Variants in LINGO2 observed in about 807,000 individuals in gnomAD.
LINGO2 encodes the protein leucine rich repeat and Ig domain containing 2.
A neutral mutation model predicts 30.6 loss-of-function variants in LINGO2; 14 were observed. That is an observed-to-expected ratio of 0.46 (90% CI 0.30 to 0.72). LINGO2 has a LOEUF of 0.72. Ranked by LOEUF, LINGO2 falls within the 30% of genes least tolerant of loss-of-function variation. The probability of loss-of-function intolerance (pLI) is 0.07; values close to 1 mark genes in which losing one functional copy is unlikely to be tolerated. For synonymous variants in LINGO2, 317 were observed against 288.5 expected (o/e 1.10, Z -1.00); for missense variants, 729 against 751.7 (o/e 0.97, Z 0.35).
At chr9:28,352,101 T>A (rs1166377259) in intron 3 of LINGO2, among the ~76,000 whole-genome samples, 2 of 149,984 alleles carry the variant, frequency 1.3e-5, no homozygotes, top group African/African-American at 2.4e-5. Context: ...AAGACAGGGA[T>A]GCCCTCTCTC....
chr9:28,734,180 G>A, the LINGO2 span, among the ~76,000 whole-genome samples: 1 of 151,824 alleles, frequency 6.6e-6, no homozygotes, highest in Non-Finnish European at 1.5e-5. Context: ...ATAAAATCAG[G>A]GTTATGTGAA....
At chr9:28,880,010 T>A in the LINGO2 span, among the ~76,000 whole-genome samples, 62,152 of 152,042 alleles carry the variant, frequency 0.41, 14,770 homozygotes, top group African/African-American at 0.67. Context: ...TATCTCTAAG[T>A]TTCCTGCCAG....
At chr9:28,749,823 G>C in the LINGO2 span, among the ~76,000 whole-genome samples, 7 of 151,912 alleles carry the variant, frequency 4.6e-5, no homozygotes, top group Non-Finnish European at 1.0e-4. Flanking sequence ...ATAAAATAAA[G>C]CTCACAACCA....
chr9:28,261,933 C>T (rs749528588), intron 4 of LINGO2, among the ~76,000 whole-genome samples: 21 of 151,870 alleles, frequency 1.4e-4, no homozygotes, highest in Non-Finnish European at 2.8e-4. Flanking sequence ...TGACTAAGGA[C>T]AAGGCACGTA....
At chr9:28,096,053 A>G (rs1419101264) in intron 4 of LINGO2, among the ~76,000 whole-genome samples, 5 of 152,248 alleles carry the variant, frequency 3.3e-5, no homozygotes, top group Admixed American at 3.3e-4. Flanking sequence ...AGGTGGGAGG[A>G]TCACTTGAGC....
intron 3 of LINGO2, among the ~76,000 whole-genome samples, chr9:28,306,490 C>T (rs370857300): frequency 7.2e-5 from 11 of 151,864 alleles, no homozygotes; most frequent in South Asian, 2.1e-4. Flanking sequence ...AGATCCAAAA[C>T]TGACACCCTA....
intron 1 of LINGO2, among the ~76,000 whole-genome samples, chr9:28,524,055 T>C (rs894037342): frequency 5.9e-5 from 9 of 152,132 alleles, no homozygotes; most frequent in Non-Finnish European, 8.8e-5. Context: ...TATAACAGTG[T>C]GGTACTAGTA....
intron 1 of LINGO2, among the ~76,000 whole-genome samples, chr9:28,529,628 C>A (rs757329796): frequency 2.7e-4 from 39 of 143,964 alleles, no homozygotes; most frequent in South Asian, 8.6e-4. Flanking sequence ...TTTTTTTTGC[C>A]ATCTCTATTT....
chr9:28,675,932 C>T, the LINGO2 span, among the ~76,000 whole-genome samples: 16,764 of 123,008 alleles, frequency 0.14, 1,211 homozygotes, highest in African/African-American at 0.27. Context: ...TATACATACA[C>T]ACACACACAC....
At chr9:28,491,397 A>T (rs1826390086) in intron 1 of LINGO2, among the ~76,000 whole-genome samples, 1 of 152,158 alleles carries the variant, frequency 6.6e-6, no homozygotes, top group Non-Finnish European at 1.5e-5. Context: ...CTCATGTGAT[A>T]CAGGATAATC....
At chr9:28,979,116 G>GA in the LINGO2 span, among the ~76,000 whole-genome samples, 11 of 151,436 alleles carry the variant, frequency 7.3e-5, no homozygotes, top group Admixed American at 7.3e-4. Context: ...TTTCTGTCTC[G>GA]GGCTATCTTA....
At chr9:29,102,396 A>T in the LINGO2 span, among the ~76,000 whole-genome samples, 1 of 152,116 alleles carries the variant, frequency 6.6e-6, no homozygotes, top group Non-Finnish European at 1.5e-5. Flanking sequence ...GCAGCTTTTT[A>T]AAAAAATAAA....
chr9:28,213,899 A>C (rs1161305428), intron 4 of LINGO2, among the ~76,000 whole-genome samples: 1 of 151,556 alleles, frequency 6.6e-6, no homozygotes, highest in East Asian at 1.9e-4. Context: ...CAATTAAAGT[A>C]CGCAGTGTTC....
intron 4 of LINGO2, among the ~76,000 whole-genome samples, chr9:28,055,371 G>A (rs1824878743): frequency 6.6e-6 from 1 of 152,106 alleles, no homozygotes; most frequent in African/African-American, 2.4e-5. Flanking sequence ...CTCTAAACAA[G>A]CTTCAGCCAA....
chr9:29,118,478 C>A, the LINGO2 span, among the ~76,000 whole-genome samples: 884 of 152,270 alleles, frequency 5.8e-3, 7 homozygotes, highest in African/African-American at 0.02. Flanking sequence ...ACACAACCAA[C>A]GATCTGGCAG....
chr9:29,173,911 T>G, the LINGO2 span, among the ~76,000 whole-genome samples: 577 of 152,204 alleles, frequency 3.8e-3, 3 homozygotes, highest in African/African-American at 0.013. Context: ...GCACACAGAT[T>G]AAGACTATTC....
At chr9:28,285,027 A>C (rs1383649445) in intron 4 of LINGO2, among the ~76,000 whole-genome samples, 1 of 152,220 alleles carries the variant, frequency 6.6e-6, no homozygotes, top group African/African-American at 2.4e-5. Flanking sequence ...TGTTTATAAA[A>C]GCAAATAATA....
At chr9:28,364,204 T>C (rs1820568545) in intron 3 of LINGO2, among the ~76,000 whole-genome samples, 1 of 152,204 alleles carries the variant, frequency 6.6e-6, no homozygotes, top group South Asian at 2.1e-4. Flanking sequence ...GACATAACAG[T>C]TTGGTCTATG....
the LINGO2 span, among the ~76,000 whole-genome samples, chr9:28,886,166 C>T: frequency 1.3e-5 from 2 of 152,198 alleles, no homozygotes; most frequent in South Asian, 4.1e-4. Flanking sequence ...AGTGTACTGA[C>T]ATGCCTTTAC....
Sources: allele counts gnomAD v4.1 joint callset (sites outside exome capture counted in the v4.1 genomes callset), GRCh38; gene constraint gnomAD v4.1.1; transcripts MANE v1.5; gene names NCBI Gene and HGNC (gene_info 2026-07-23, HGNC 2026-07-21).